The following NETO2 variants were observed in gnomAD, a reference collection of about 807,000 sequenced individuals.
The protein encoded by NETO2 is neuropilin and tolloid like 2.
Under a neutral mutation model 62.5 loss-of-function variants are expected in NETO2, and 28 were observed. The observed-to-expected ratio is 0.45, with a 90% CI of 0.33 to 0.61. NETO2 has a LOEUF of 0.61. Among genes scored for constraint, NETO2 ranks in the 20% least tolerant of loss-of-function variants. The pLI is 0.02. For synonymous variants in NETO2, 214 were observed against 219.1 expected (o/e 0.98, Z 0.21); for missense variants, 548 against 643.2 (o/e 0.85, Z 1.60).
At chr16:47,110,073 G>A (rs963562011) in intron 6 of NETO2, among the ~76,000 whole-genome samples, 1 of 152,148 alleles carries the variant, frequency 6.6e-6, no homozygotes, top group African/African-American at 2.4e-5. Flanking sequence ...AACAATGCAT[G>A]TGATTAATTG....
chr16:47,086,937 T>C (rs978083272), intron 7 of NETO2, among the ~76,000 whole-genome samples: 12 of 152,044 alleles, frequency 7.9e-5, no homozygotes, highest in African/African-American at 2.9e-4. Flanking sequence ...CACAAGACAA[T>C]GGAATGTGAT....
chr16:47,109,860 G>C, intron 6 of NETO2, 149 bp from the exon 7 acceptor site: 1 of 601,110 alleles, frequency 1.7e-6, no homozygotes, highest in East Asian at 2.8e-5. Flanking sequence ...ATAGTGAGAG[G>C]AACTAAGATT....
intron 7 of NETO2, among the ~76,000 whole-genome samples, chr16:47,093,587 CAAAG>C (rs1963360178): frequency 6.6e-6 from 1 of 152,096 alleles, no homozygotes; most frequent in African/African-American, 2.4e-5. Flanking sequence ...TGACAAATGC[CAAAG>C]AAATGCATGG....
At chr16:47,122,544 G>A (rs1964062166) in intron 6 of NETO2, 113 bp downstream of exon 6, 1 of 1,086,542 alleles carries the variant, frequency 9.2e-7, no homozygotes, top group Non-Finnish European at 1.3e-6. Context: ...TTAAAAAGTT[G>A]CAGTATCAGT....
Position 47,105,062 on chromosome 16 carries a change from A to G in NETO2, c.883+4421T>C, listed in dbSNP as rs138674551. 1.1e-4 allele frequency among the ~76,000 whole-genome samples: 17 copies of G among 150,062 alleles called. No individual in the cohort carries two copies. The East Asian group carries it at 3.4e-3, about 30-fold the overall frequency. On this transcript the variant is annotated intron_variant, in intron 7 of 8. Coordinates refer to ENST00000562435, the MANE Select transcript of NETO2 (RefSeq NM_018092.5). ...TTTACTTTTTTAAAGAAAAATAGAG[A>G]TGGGGTTTTGCTATGTTGACCAGGC...
chr16:47,139,890 G>A (rs991066243), intron 1 of NETO2, among the ~76,000 whole-genome samples: 1 of 152,200 alleles, frequency 6.6e-6, no homozygotes, highest in African/African-American at 2.4e-5. Flanking sequence ...CCTCCTGACT[G>A]TACAGTGACT....
intron 1 of NETO2, among the ~76,000 whole-genome samples, chr16:47,134,564 A>G (rs886975738): frequency 6.6e-6 from 1 of 152,246 alleles, no homozygotes; most frequent in Non-Finnish European, 1.5e-5. Context: ...CTCCCCAGGC[A>G]TATCATTCAG....
At chr16:47,112,147 G>C (rs1212481060) in intron 6 of NETO2, among the ~76,000 whole-genome samples, 3 of 152,060 alleles carry the variant, frequency 2.0e-5, no homozygotes, top group African/African-American at 7.2e-5. Context: ...TGAACTGCCA[G>C]GCTCAAGTGA....
chr16:47,082,086 G>T lies in NETO2; in HGVS notation c.*1135C>A, dbSNP rs1963073820. 1 of 152,456 alleles carries T rather than the reference G, an allele frequency of 6.6e-6. No individual in the cohort carries two copies. The allele number at this position is 152,456 out of a possible 1,614,324, so 9.4% of individuals were successfully genotyped here. A position where few individuals can be genotyped will look rare whatever the true frequency, so the allele number is the denominator to read the frequency against. ...ATCAAAAGTCTAAAAAACACAATGAGCTTTTATGTTTATAAATTATTGTTT... is the reference window on the plus strand; with the variant it reads ...ATCAAAAGTCTAAAAAACACAATGATCTTTTATGTTTATAAATTATTGTTT... On this transcript the variant is annotated 3_prime_UTR_variant, in exon 9 of 9. Coordinates refer to ENST00000562435, the MANE Select transcript of NETO2 (RefSeq NM_018092.5).
At chr16:47,106,539 C>G (rs1161234343) in intron 7 of NETO2, among the ~76,000 whole-genome samples, 3 of 152,008 alleles carry the variant, frequency 2.0e-5, no homozygotes, top group Non-Finnish European at 4.4e-5. Flanking sequence ...AATTACACAA[C>G]TTTTTAAACC....
intron 1 of NETO2, among the ~76,000 whole-genome samples, chr16:47,143,079 T>C (rs1313768472): frequency 1.3e-5 from 2 of 151,878 alleles, no homozygotes; most frequent in East Asian, 3.9e-4. Context: ...GCAGGCCCCG[T>C]TCCCCGCCGC....
chr16:47,095,796 C>T (rs1292561488), intron 7 of NETO2, among the ~76,000 whole-genome samples: 1 of 152,050 alleles, frequency 6.6e-6, no homozygotes, highest in Admixed American at 6.6e-5. Context: ...ACCTGAACAC[C>T]ACTATAGACC....
At chr16:47,089,902 T>TA (rs1408378121) in intron 7 of NETO2, among the ~76,000 whole-genome samples, 1 of 152,218 alleles carries the variant, frequency 6.6e-6, no homozygotes, top group Non-Finnish European at 1.5e-5. Context: ...TATCACACTG[T>TA]AATTCTATTA....
intron 1 of NETO2, among the ~76,000 whole-genome samples, chr16:47,143,163 GA>G (rs952731301): frequency 6.6e-6 from 1 of 152,134 alleles, no homozygotes; most frequent in Non-Finnish European, 1.5e-5. Context: ...TGTTCTCGTG[GA>G]ATTACTTTTT....
chr16:47,143,027 C>A (rs897031538), intron 1 of NETO2, among the ~76,000 whole-genome samples: 2 of 151,866 alleles, frequency 1.3e-5, no homozygotes, highest in Admixed American at 1.3e-4. Flanking sequence ...GCAGTGGTGC[C>A]GCAGCCTCCG....
intron 1 of NETO2, among the ~76,000 whole-genome samples, chr16:47,138,489 G>GCA (rs1567402497): frequency 6.6e-6 from 1 of 152,202 alleles, no homozygotes; most frequent in East Asian, 1.9e-4. Context: ...CCCCTAAGTT[G>GCA]CACACATCAT....
At chr16:47,104,497 C>A (rs1235489197) in intron 7 of NETO2, among the ~76,000 whole-genome samples, 1 of 152,092 alleles carries the variant, frequency 6.6e-6, no homozygotes, top group African/African-American at 2.4e-5. Context: ...ATCAAAATCC[C>A]AACAGTGTTT....
intron 2 of NETO2, among the ~76,000 whole-genome samples, chr16:47,130,061 G>C (rs1180765544): frequency 6.6e-6 from 1 of 152,126 alleles, no homozygotes; most frequent in Non-Finnish European, 1.5e-5. Context: ...GAACACTAAA[G>C]GTGATTTCTT....
intron 6 of NETO2, among the ~76,000 whole-genome samples, chr16:47,115,837 T>A (rs1229888683): frequency 2.0e-5 from 3 of 150,870 alleles, no homozygotes; most frequent in East Asian, 3.9e-4. Context: ...TCCCAAAATG[T>A]TGGGATTACA....
Sources: allele counts gnomAD v4.1 joint callset (sites outside exome capture counted in the v4.1 genomes callset), GRCh38; gene constraint gnomAD v4.1.1; transcripts MANE v1.5; gene names NCBI Gene and HGNC (gene_info 2026-07-23, HGNC 2026-07-21).